EPHA8: variants seen among roughly 807,000 people sequenced by gnomAD.
EPHA8 encodes the protein EPH receptor A8.
In EPHA8, 58 loss-of-function variants were observed where a neutral mutation model predicts 103.6. The ratio of observed to expected loss-of-function variants is 0.56; its 90% confidence interval spans 0.45 to 0.70. The LOEUF is 0.70. Ranked by LOEUF, EPHA8 falls within the 30% of genes least tolerant of loss-of-function variation. The pLI is 0.00. For synonymous variants in EPHA8, 559 were observed against 572.5 expected (o/e 0.98, Z 0.34); for missense variants, 1,304 against 1,395.2 (o/e 0.93, Z 1.04).
At chr1:22,600,589 T>G (rs1202772474) in intron 13 of EPHA8, 72 bp from the exon 14 acceptor site, 8 of 1,578,782 alleles carry the variant, frequency 5.1e-6, no homozygotes, top group Admixed American at 1.7e-5. Flanking sequence ...TGTTTAGCTC[T>G]CTGACTCAGA....
At chr1:22,592,675 G>A (rs1641404265) in intron 5 of EPHA8, among the ~76,000 whole-genome samples, 1 of 152,182 alleles carries the variant, frequency 6.6e-6, no homozygotes, top group Admixed American at 6.5e-5. Flanking sequence ...GAGCAGAGGG[G>A]AGGAGGAGGC....
At chr1:22,591,097 A>G (rs1057512789) in intron 5 of EPHA8, among the ~76,000 whole-genome samples, 1 of 152,040 alleles carries the variant, frequency 6.6e-6, no homozygotes, top group Non-Finnish European at 1.5e-5. Context: ...AGCTTTAAAA[A>G]TAGAAGTGAG....
At chr1:22,586,756 CT>C (rs1426181376) in intron 4 of EPHA8, 121 bp downstream of exon 4, 3 of 1,293,066 alleles carry the variant, frequency 2.3e-6, no homozygotes, top group Non-Finnish European at 3.2e-6. Context: ...GGGTGGCTCT[CT>C]TGAGCCAGAG....
Position 22,593,686 on chromosome 1 carries a change from C to A in EPHA8, c.1603C>A (p.Arg535=). The A allele has an allele frequency of 1.9e-6, 3 of 1,590,380 alleles. No homozygotes were observed. The highest frequency in any genetic ancestry group is 4.6e-5 in the East Asian group (2 of 43,894). Reference sequence around the variant, plus strand: ...CATGGAGGTGGAGACCGGGAAACCCCGTGAGTGCAGGGAGGGGGCGTGGGC... The same window carrying A: ...CATGGAGGTGGAGACCGGGAAACCCAGTGAGTGCAGGGAGGGGGCGTGGGC... The part of the protein sequence containing the change: ...QAMEVETGKP[R]PRYDTRTIVW... The change falls in exon 7 of 17, where the codon CGG becomes AGG. Residue 535 remains arginine, a splice_region_variant and synonymous_variant. Transcript: ENST00000166244.
At chr1:22,593,732 G>A (rs1387582857) in intron 7 of EPHA8, 46 bp downstream of exon 7, 1 of 1,489,832 alleles carries the variant, frequency 6.7e-7, no homozygotes, top group East Asian at 2.4e-5. Flanking sequence ...CCAGGTGCCA[G>A]GACCCTGGGG....
rs1640275640 is a variant in EPHA8, at chr1:22,563,918, C to T, written c.94+189C>T. ...GGGACAGAGCGGTGGAGATGGGAAC[C>T]CGCGAGCTTGAGGAAGACGGACAGG... is the stretch of plus-strand genomic sequence containing the variant. On this transcript the variant is annotated intron_variant, in intron 1 of 16. Coordinates refer to ENST00000166244, the MANE Select transcript of EPHA8 (RefSeq NM_020526.5). The surrounding 1 kb of genome is among the most constrained non-coding windows in gnomAD (Gnocchi z 4.4). Among the ~76,000 whole-genome samples the T allele has an allele frequency of 6.6e-6, 1 of 152,004 alleles. No individual in the cohort carries two copies. The highest frequency in any genetic ancestry group is 1.5e-5 in the Non-Finnish European group (1 of 67,950).
intron 3 of EPHA8, among the ~76,000 whole-genome samples, chr1:22,585,159 C>A (rs665395): frequency 7.2e-5 from 11 of 152,140 alleles, no homozygotes; most frequent in Middle Eastern, 3.4e-3. Context: ...CGGGCACAGC[C>A]TGTGCAAAGG....
intron 3 of EPHA8, among the ~76,000 whole-genome samples, chr1:22,577,459 A>T (rs920052859): frequency 6.6e-6 from 1 of 152,046 alleles, no homozygotes; most frequent in Non-Finnish European, 1.5e-5. Flanking sequence ...TGTAGGGTGG[A>T]GGGAAGTGGG....
At chr1:22,585,963 G>C (rs931217264) in intron 3 of EPHA8, among the ~76,000 whole-genome samples, 5 of 152,096 alleles carry the variant, frequency 3.3e-5, no homozygotes, top group Non-Finnish European at 5.9e-5. Flanking sequence ...GTCTTACCAG[G>C]TGTCCCCCCC....
At chr1:22,594,052 C>T (rs1408242243) in intron 7 of EPHA8, among the ~76,000 whole-genome samples, 1 of 152,160 alleles carries the variant, frequency 6.6e-6, no homozygotes. Context: ...AGGCTGGTCT[C>T]GAACACCTGA....
At chr1:22,577,899 G>C in intron 3 of EPHA8, among the ~76,000 whole-genome samples, 1 of 127,944 alleles carries the variant, frequency 7.8e-6, no homozygotes, top group Admixed American at 7.6e-5. Context: ...GTGTGTGCAT[G>C]TGTGTGTATG....
chr1:22,572,774 G>A (rs916652224), intron 2 of EPHA8, among the ~76,000 whole-genome samples: 4 of 152,220 alleles, frequency 2.6e-5, no homozygotes, highest in Non-Finnish European at 4.4e-5. Flanking sequence ...GGGGAGCAGC[G>A]TGCCAGAGTC....
chr1:22,584,658 A>G (rs1000552686), intron 3 of EPHA8, among the ~76,000 whole-genome samples: 1 of 152,142 alleles, frequency 6.6e-6, no homozygotes, highest in African/African-American at 2.4e-5. Flanking sequence ...AGAGAACCAC[A>G]GTGAGCTTCC....
At chr1:22,572,089 A>G (rs1243541304) in intron 2 of EPHA8, among the ~76,000 whole-genome samples, 1 of 152,038 alleles carries the variant, frequency 6.6e-6, no homozygotes, top group Non-Finnish European at 1.5e-5. Flanking sequence ...GGGAGGGGGA[A>G]CCTCTGGAGA....
chr1:22,574,879 C>G (rs1640640094), intron 2 of EPHA8, among the ~76,000 whole-genome samples: 1 of 152,236 alleles, frequency 6.6e-6, no homozygotes, highest in Non-Finnish European at 1.5e-5. Context: ...TTTTCCACAG[C>G]AGCTGCACTA....
intron 5 of EPHA8, among the ~76,000 whole-genome samples, chr1:22,592,766 G>T (rs760794424): frequency 6.6e-5 from 9 of 136,086 alleles, no homozygotes; most frequent in Non-Finnish European, 7.7e-5. Flanking sequence ...CCTCCTAGCA[G>T]CCTCCCCACA....
Position 22,593,499 on chromosome 1 carries a change from C to T in EPHA8, c.1441-25C>T, listed in dbSNP as rs572355548. The T allele has an allele frequency of 4.2e-5, 68 of 1,610,086 alleles. No individual in the cohort carries two copies. In the East Asian group the frequency reaches 1.0e-3, roughly 25 times the overall value. The stretch of plus-strand genomic sequence containing the variant: ...GAGGGGCTGGGCCAGCAGGGCAGGG[C>T]CCACTGACCACCGTCCCGTGGCAGG... On this transcript the variant is annotated intron_variant, in intron 6 of 16. Transcript: ENST00000166244.
chr1:22,594,679 G>A lies in EPHA8; in HGVS notation c.1604-551G>A, dbSNP rs542322916. 2.4e-3 allele frequency among the ~76,000 whole-genome samples: 360 copies of A among 152,320 alleles called. 3 individuals carry two copies. The highest frequency in any genetic ancestry group is 7.8e-3 in the African/African-American group (323 of 41,568). ...ACCGCCCACCTGGCGCTCCCTGGGCGTCTGAGTGCCTCCAGTGCTTGTAGG... is the reference window on the plus strand; with the variant it reads ...ACCGCCCACCTGGCGCTCCCTGGGCATCTGAGTGCCTCCAGTGCTTGTAGG... On this transcript the variant is annotated intron_variant, in intron 7 of 16. Transcript: ENST00000166244.
chr1:22,570,653 G>C (rs181458758), intron 2 of EPHA8, among the ~76,000 whole-genome samples: 1 of 150,932 alleles, frequency 6.6e-6, no homozygotes, highest in Non-Finnish European at 1.5e-5. Flanking sequence ...TGGGGGTCTG[G>C]TCACCAGGCA....
Sources: gnomAD v4.1 joint callset for allele counts (sites outside exome capture counted in the v4.1 genomes callset) on GRCh38, gnomAD v4.1.1 for gene constraint, Gnocchi (gnomAD v3.1) non-coding constraint, MANE v1.5 for transcripts, NCBI Gene and HGNC (gene_info 2026-07-23, HGNC 2026-07-21) for gene names.